The following AUTS2 variants were observed in gnomAD, a reference collection of about 807,000 sequenced individuals.
The protein encoded by AUTS2 is activator of transcription and developmental regulator AUTS2.
In AUTS2, 17 loss-of-function variants were observed where a neutral mutation model predicts 112.4. That is an observed-to-expected ratio of 0.15 (90% CI 0.10 to 0.23). The LOEUF (loss-of-function observed/expected upper bound fraction) is 0.23. Ranked by LOEUF, AUTS2 falls within the 10% of genes least tolerant of loss-of-function variation. AUTS2 has a pLI of 1.00. For missense variants in AUTS2, 1,510 were observed against 1,701.6 expected, an observed-to-expected ratio of 0.89 and a Z score of 1.98; for synonymous variants, 751 against 702.7, an observed-to-expected ratio of 1.07 and a Z score of -1.09.
chr7:70,301,563 G>A (rs961683861), intron 4 of AUTS2, among the ~76,000 whole-genome samples: 1 of 152,076 alleles, frequency 6.6e-6, no homozygotes, highest in Admixed American at 6.5e-5. Context: ...TTCTAAAGAG[G>A]GGATTTTGTG....
In AUTS2 at chr7:70,599,974, G is replaced by A. The variant is rs908688925; in HGVS notation, c.691-98595G>A. The stretch of plus-strand genomic sequence containing the variant: ...GGTCACTGGTTCTCAAAATGTGGCT[G>A]CATACCAACAGGACCTTCAGCACCC... On this transcript the variant is annotated intron_variant, in intron 5 of 18. Transcript: ENST00000342771. 5.3e-5 allele frequency among the ~76,000 whole-genome samples: 8 copies of A among 152,134 alleles called. 1 individual carries two copies. The highest frequency in any genetic ancestry group is 1.9e-4 in the African/African-American group (8 of 41,426).
intron 4 of AUTS2, among the ~76,000 whole-genome samples, chr7:70,405,783 T>A (rs145874358): frequency 6.6e-6 from 1 of 152,352 alleles, no homozygotes; most frequent in South Asian, 2.1e-4. Flanking sequence ...CCGTGCCACA[T>A]ACCCTTGCAA....
chr7:69,899,225 G>A (rs1794870454), intron 1 of AUTS2, 61 bp from the exon 2 acceptor site: 1 of 1,258,458 alleles, frequency 7.9e-7, no homozygotes, highest in Middle Eastern at 2.0e-4. Context: ...CCTATATTTT[G>A]GGTGTGACCC....
At chr7:70,015,248 A>G (rs2129554637) in intron 2 of AUTS2, among the ~76,000 whole-genome samples, 1 of 152,348 alleles carries the variant, frequency 6.6e-6, no homozygotes, top group South Asian at 2.1e-4. Flanking sequence ...TAGTATCCAC[A>G]GTAAACCACA....
intron 4 of AUTS2, among the ~76,000 whole-genome samples, chr7:70,371,458 A>G (rs1792833911): frequency 6.6e-6 from 1 of 152,242 alleles, no homozygotes; most frequent in Admixed American, 6.5e-5. Flanking sequence ...AAACAGATGT[A>G]AGACATAATT....
chr7:70,177,078 CT>C (rs1411959542), intron 4 of AUTS2, among the ~76,000 whole-genome samples: 4 of 152,182 alleles, frequency 2.6e-5, no homozygotes, highest in Non-Finnish European at 5.9e-5. Context: ...GAAGGTCAGA[CT>C]TGATTAAATC....
intron 2 of AUTS2, among the ~76,000 whole-genome samples, chr7:70,100,579 G>A (rs1162451413): frequency 6.9e-6 from 1 of 145,050 alleles, no homozygotes; most frequent in East Asian, 2.1e-4. Flanking sequence ...CCCTCCCCCA[G>A]CCCCCCACCC....
chr7:69,638,129 C>A (rs901705914), intron 1 of AUTS2, among the ~76,000 whole-genome samples: 2 of 152,344 alleles, frequency 1.3e-5, no homozygotes, highest in South Asian at 2.1e-4. Flanking sequence ...AATGATCCTC[C>A]TGCTTCAGCC....
intron 1 of AUTS2, among the ~76,000 whole-genome samples, chr7:69,812,051 T>C (rs896968824): frequency 1.3e-5 from 2 of 151,664 alleles, no homozygotes; most frequent in Non-Finnish European, 1.5e-5. Flanking sequence ...AGGAAGGGAG[T>C]TTTCCAAGAA....
At chr7:70,623,974 C>G (rs909151432) in intron 5 of AUTS2, among the ~76,000 whole-genome samples, 10 of 152,190 alleles carry the variant, frequency 6.6e-5, no homozygotes, top group African/African-American at 1.9e-4. Flanking sequence ...GGAGATACTC[C>G]CTCTCTCTGG....
intron 2 of AUTS2, among the ~76,000 whole-genome samples, chr7:70,102,610 G>A (rs569462785): frequency 6.6e-6 from 1 of 151,892 alleles, no homozygotes; most frequent in South Asian, 2.1e-4. Context: ...TAAATAAATG[G>A]GCTAGTCTAC....
At chr7:69,927,394 A>T (rs1039685232) in intron 2 of AUTS2, among the ~76,000 whole-genome samples, 1 of 151,888 alleles carries the variant, frequency 6.6e-6, no homozygotes, top group Non-Finnish European at 1.5e-5. Context: ...CATTGTTACT[A>T]TTTCTGCTTA....
chr7:69,786,905 A>G (rs1167502149), intron 1 of AUTS2, among the ~76,000 whole-genome samples: 1 of 152,240 alleles, frequency 6.6e-6, no homozygotes, highest in South Asian at 2.1e-4. Flanking sequence ...ACTTGTTTTA[A>G]GTGTATGTGC....
intron 5 of AUTS2, among the ~76,000 whole-genome samples, chr7:70,656,754 A>G (rs1196542815): frequency 6.6e-6 from 1 of 152,132 alleles, no homozygotes; most frequent in East Asian, 1.9e-4. Flanking sequence ...ATGCAATAGG[A>G]TTACAGGAGG....
chr7:70,495,919 A>G (rs1798459324), intron 5 of AUTS2, among the ~76,000 whole-genome samples: 1 of 125,728 alleles, frequency 8.0e-6, no homozygotes. Flanking sequence ...ACTCACACAC[A>G]CCACGTACAC....
chr7:70,516,419 A>G (rs1490414807), intron 5 of AUTS2, among the ~76,000 whole-genome samples: 1 of 152,194 alleles, frequency 6.6e-6, no homozygotes, highest in Non-Finnish European at 1.5e-5. Context: ...AAAGTATGAA[A>G]TGATTAAGAT....
intron 4 of AUTS2, among the ~76,000 whole-genome samples, chr7:70,419,237 C>T (rs1193025217): frequency 6.6e-6 from 1 of 152,100 alleles, no homozygotes; most frequent in African/African-American, 2.4e-5. Flanking sequence ...AACCCTGGCA[C>T]CTTGACCTGT....
intron 6 of AUTS2, among the ~76,000 whole-genome samples, chr7:70,735,230 T>A (rs1199671734): frequency 2.0e-5 from 3 of 152,148 alleles, no homozygotes; most frequent in African/African-American, 7.2e-5. Context: ...GGCTGGGAGA[T>A]GTGTTTGGTT....
chr7:70,333,197 A>G (rs1790837489), intron 4 of AUTS2, among the ~76,000 whole-genome samples: 1 of 152,182 alleles, frequency 6.6e-6, no homozygotes, highest in Admixed American at 6.5e-5. Context: ...CGGCCAAGAA[A>G]CATGAAAAAA....
Sources: gnomAD v4.1 joint callset for allele counts (sites outside exome capture counted in the v4.1 genomes callset) on GRCh38, gnomAD v4.1.1 for gene constraint, MANE v1.5 for transcripts, NCBI Gene and HGNC (gene_info 2026-07-23, HGNC 2026-07-21) for gene names.